SYN3: variants seen among roughly 807,000 people sequenced by gnomAD.
SYN3 encodes the protein synapsin-3.
In SYN3, 35 loss-of-function variants were observed where a neutral mutation model predicts 65.8. The ratio of observed to expected loss-of-function variants is 0.53; its 90% CI spans 0.41 to 0.70. SYN3 has a LOEUF of 0.70. Ranked by LOEUF, SYN3 falls within the 30% of genes least tolerant of loss-of-function variation. SYN3 has a pLI of 0.00. For synonymous variants in SYN3, 270 were observed against 292.9 expected (o/e 0.92, Z 0.80); for missense variants, 680 against 749.0 (o/e 0.91, Z 1.08).
chr22:32,813,461 T>G (rs2046966481), intron 6 of SYN3, among the ~76,000 whole-genome samples: 1 of 149,166 alleles, frequency 6.7e-6, no homozygotes, highest in South Asian at 2.1e-4. Flanking sequence ...AATCCAAATT[T>G]TTAATGTAAC....
At chr22:32,544,161 C>A (rs1166372537) in intron 7 of SYN3, among the ~76,000 whole-genome samples, 1 of 152,158 alleles carries the variant, frequency 6.6e-6, no homozygotes, top group Non-Finnish European at 1.5e-5. Flanking sequence ...TGGTCTCAAA[C>A]TCCTTGGTTC....
chr22:32,705,513 G>C (rs546863814), intron 6 of SYN3, among the ~76,000 whole-genome samples: 1 of 152,180 alleles, frequency 6.6e-6, no homozygotes, highest in East Asian at 1.9e-4. Flanking sequence ...TGTTCTTTTC[G>C]CTTAGGATTG....
chr22:32,851,578 A>G (rs959471498), intron 6 of SYN3, among the ~76,000 whole-genome samples: 2 of 152,188 alleles, frequency 1.3e-5, no homozygotes, highest in African/African-American at 4.8e-5. Context: ...GAGCTCATGA[A>G]TCATGGTGCT....
chr22:32,836,714 G>GGGTGGTTTGGAAGGTCCC (rs1174643551), intron 6 of SYN3, among the ~76,000 whole-genome samples: 2 of 152,310 alleles, frequency 1.3e-5, no homozygotes, highest in Non-Finnish European at 2.9e-5. Context: ...GACACCCGCT[G>GGGTGGTTTGGAAGGTCCC]CAGCAGGTGG....
At chr22:33,058,047 C>T (rs1287707510) in intron 1 of SYN3, among the ~76,000 whole-genome samples, 2 of 152,086 alleles carry the variant, frequency 1.3e-5, no homozygotes, top group Non-Finnish European at 2.9e-5. Flanking sequence ...GGCCCCCGCA[C>T]GCCGATCTGT....
chr22:32,806,623 T>C (rs1482614100), intron 6 of SYN3, among the ~76,000 whole-genome samples: 3 of 152,208 alleles, frequency 2.0e-5, no homozygotes, highest in African/African-American at 4.8e-5. Flanking sequence ...TGGGCTACCT[T>C]TGAGCTTTAG....
At chr22:32,889,472 CAT>C (rs750120251) in intron 4 of SYN3, among the ~76,000 whole-genome samples, 77 of 151,274 alleles carry the variant, frequency 5.1e-4, no homozygotes, top group Non-Finnish European at 7.5e-4. Context: ...ATAAATGTGA[CAT>C]GTGCTTATTT....
chr22:32,664,975 T>C (rs1455754428), intron 6 of SYN3, among the ~76,000 whole-genome samples: 7 of 146,860 alleles, frequency 4.8e-5, no homozygotes, highest in African/African-American at 1.8e-4. Context: ...CAAAGTCCAT[T>C]GTATAATGTA....
chr22:32,991,338 A>AAATAATAAT (rs60884096), intron 2 of SYN3, among the ~76,000 whole-genome samples: 4,417 of 142,556 alleles, frequency 0.031, 75 homozygotes, highest in Middle Eastern at 0.069. Flanking sequence ...ACTCCATCTC[A>AAATAATAAT]AATAATAATA....
intron 6 of SYN3, among the ~76,000 whole-genome samples, chr22:32,807,391 T>C (rs1346553338): frequency 5.8e-5 from 6 of 103,026 alleles, no homozygotes; most frequent in Non-Finnish European, 9.4e-5. Context: ...ATATATTATA[T>C]ATAATATATA....
At chr22:32,721,781 G>A (rs967908481) in intron 6 of SYN3, among the ~76,000 whole-genome samples, 1 of 152,200 alleles carries the variant, frequency 6.6e-6, no homozygotes, top group African/African-American at 2.4e-5. Context: ...GACAATGTCA[G>A]ATGATAAATC....
chr22:32,570,119 G>C (rs777879152), intron 7 of SYN3, among the ~76,000 whole-genome samples: 1 of 152,138 alleles, frequency 6.6e-6, no homozygotes, highest in Non-Finnish European at 1.5e-5. Context: ...CATAGCTTCC[G>C]AGGTCGATTA....
At chr22:33,040,345 A>G (rs1440670542) in intron 1 of SYN3, among the ~76,000 whole-genome samples, 7 of 152,096 alleles carry the variant, frequency 4.6e-5, no homozygotes. Context: ...AGTGTGGACG[A>G]ATGAAAGGGA....
intron 10 of SYN3, among the ~76,000 whole-genome samples, chr22:32,530,958 A>G (rs1172847217): frequency 1.3e-5 from 2 of 151,844 alleles, no homozygotes; most frequent in African/African-American, 2.4e-5. Flanking sequence ...CAGTGAGCCA[A>G]GTTGCTCTAT....
chr22:32,980,004 G>C (rs1392818028), intron 3 of SYN3, among the ~76,000 whole-genome samples: 2 of 152,060 alleles, frequency 1.3e-5, no homozygotes, highest in African/African-American at 4.8e-5. Flanking sequence ...GGAGCCAGGA[G>C]ACCACACCTT....
At chr22:32,799,671 C>T (rs1381736001) in intron 6 of SYN3, among the ~76,000 whole-genome samples, 2 of 152,124 alleles carry the variant, frequency 1.3e-5, no homozygotes, top group Non-Finnish European at 2.9e-5. Context: ...ATGTGGGGCG[C>T]GGGGATAAGC....
At chr22:32,712,932 C>T (rs1298108742) in intron 6 of SYN3, among the ~76,000 whole-genome samples, 7 of 152,218 alleles carry the variant, frequency 4.6e-5, no homozygotes, top group African/African-American at 1.7e-4. Flanking sequence ...CACTTGCTCA[C>T]TTCCTTCATT....
intron 6 of SYN3, among the ~76,000 whole-genome samples, chr22:32,727,148 C>A (rs1469698204): frequency 1.3e-5 from 2 of 152,114 alleles, no homozygotes; most frequent in Non-Finnish European, 2.9e-5. Context: ...CCCACCTCCA[C>A]CCTCCTGCAA....
In SYN3 at chr22:32,943,998, T is replaced by C. The variant is rs1004621567; in HGVS notation, c.370-12517A>G. On this transcript the variant is annotated intron_variant, in intron 3 of 13. Coordinates refer to ENST00000358763, the MANE Select transcript of SYN3 (RefSeq NM_003490.4). ...GACTTAGACTCCCACACAATAATAATGGAAGACTTTAACACCCCACTGTCA... is the reference window on the plus strand; with the variant it reads ...GACTTAGACTCCCACACAATAATAACGGAAGACTTTAACACCCCACTGTCA... 6.6e-5 allele frequency among the ~76,000 whole-genome samples: 10 copies of C among 152,108 alleles called. 1 individual carries two copies. The East Asian group carries it at 1.2e-3, about 18-fold the overall frequency.
Sources: allele counts gnomAD v4.1 joint callset (sites outside exome capture counted in the v4.1 genomes callset), GRCh38; gene constraint gnomAD v4.1.1; transcripts MANE v1.5; gene names NCBI Gene and HGNC (gene_info 2026-07-23, HGNC 2026-07-21).